Variants in MAP2 observed in about 807,000 individuals in gnomAD.
MAP2 encodes microtubule associated protein 2.
MAP2 carries 14 observed loss-of-function variants against 137.6 expected under a neutral mutation model. That is an observed-to-expected ratio of 0.10 (90% confidence interval 0.07 to 0.16). The LOEUF is 0.16. Among genes scored for constraint, MAP2 ranks in the 10% least tolerant of loss-of-function variants. The pLI is 1.00. For synonymous variants in MAP2, 786 were observed against 782.3 expected, an observed-to-expected ratio of 1.00 and a Z score of -0.08; for missense variants, 2,088 against 2,191.5, an observed-to-expected ratio of 0.95 and a Z score of 0.94.
intron 2 of MAP2, chr2:209,579,655 A>C (rs2075956012): frequency 6.6e-6 from 1 of 151,886 alleles, no homozygotes; most frequent in Admixed American, 6.6e-5. Flanking sequence ...GTCTGGAGCT[A>C]GAGAGCCAGA....
At chr2:209,560,507 T>C (rs933068905) in intron 2 of MAP2, among the ~76,000 whole-genome samples, 1 of 145,898 alleles carries the variant, frequency 6.9e-6, no homozygotes, top group Non-Finnish European at 1.5e-5. Context: ...TGAGATAGGG[T>C]GTCATTCTGT....
chr2:209,653,308 T>C lies in MAP2; in HGVS notation c.138T>C (p.Asn46=). The change falls in exon 5 of 16, where the codon AAT becomes AAC. Residue 46 remains asparagine, a synonymous_variant. Coordinates refer to ENST00000682079, the MANE Select transcript of MAP2 (RefSeq NM_001375505.1). ...GAGEGLVRSA[N]GFPYREDEEG... is the part of the protein sequence containing the mutation. The stretch of plus-strand genomic sequence containing the variant: ...GGGAAGGACTTGTCCGAAGCGCCAA[T>C]GGATTCCCATACAGGGAGGATGAAG... 1 of 1,614,104 alleles carries C rather than the reference T, an allele frequency of 6.2e-7. No homozygotes were observed. Among genetic ancestry groups the C allele is most frequent in the Non-Finnish European group, 8.5e-7 (1 of 1,180,008 alleles).
intron 3 of MAP2, among the ~76,000 whole-genome samples, chr2:209,582,666 GATA>G (rs2076733461): frequency 4.1e-5 from 1 of 24,240 alleles, no homozygotes; most frequent in Non-Finnish European, 9.1e-4. Flanking sequence ...ATGATAGATA[GATA>G]GATAGATAGA....
chr2:209,429,339 T>C (rs1693591722), intron 1 of MAP2, among the ~76,000 whole-genome samples: 1 of 152,026 alleles, frequency 6.6e-6, no homozygotes, highest in Admixed American at 6.5e-5. Context: ...CAACTGACTT[T>C]TTATTATTTT....
Position 209,695,897 on chromosome 2 carries a change from G to A in MAP2, c.3727G>A (p.Gly1243Arg), listed in dbSNP as rs550987596. The A allele has an allele frequency of 5.1e-5, 82 of 1,614,100 alleles. 1 individual carries two copies. The South Asian group carries it at 6.1e-4, about 12-fold the overall frequency. ...QSEEEEIEAQ[G>R]EYDKLLFRSD... ...TGAGGAAGAAGAGATAGAAGCCCAGGGAGAATATGATAAACTGCTCTTCCG... is the reference window on the plus strand; with the variant it reads ...TGAGGAAGAAGAGATAGAAGCCCAGAGAGAATATGATAAACTGCTCTTCCG... Residue 1243 changes from glycine (G) to arginine (R), a missense_variant, in exon 8 of 16, where the codon GGA (glycine) becomes AGA (arginine). By Grantham distance (125) the Gly-to-Arg change is moderately radical (BLOSUM62 -2). Coordinates refer to ENST00000682079, the MANE Select transcript of MAP2 (RefSeq NM_001375505.1).
At chr2:209,672,147 G>T (rs1009135954) in intron 5 of MAP2, among the ~76,000 whole-genome samples, 2 of 151,844 alleles carry the variant, frequency 1.3e-5, no homozygotes, top group Admixed American at 1.3e-4. Context: ...AAACCAGAGG[G>T]TCATGATGGC....
intron 3 of MAP2, among the ~76,000 whole-genome samples, chr2:209,584,906 G>A (rs2077328933): frequency 6.6e-6 from 1 of 151,992 alleles, no homozygotes; most frequent in African/African-American, 2.4e-5. Context: ...AAGGGAGAAA[G>A]TAGCTGAGAG....
intron 2 of MAP2, among the ~76,000 whole-genome samples, chr2:209,527,215 CACTT>C (rs984546000): frequency 6.6e-6 from 1 of 152,140 alleles, no homozygotes; most frequent in African/African-American, 2.4e-5. Context: ...ACTTAATCCT[CACTT>C]ACTCTACCCT....
chr2:209,577,548 T>G (rs886673772), intron 2 of MAP2, among the ~76,000 whole-genome samples: 1 of 152,174 alleles, frequency 6.6e-6, no homozygotes, highest in Non-Finnish European at 1.5e-5. Flanking sequence ...TTTAGAAAGA[T>G]TTTAAGAAAT....
Position 209,696,734 on chromosome 2 carries a change from T to G in MAP2, c.4373T>G (p.Val1458Gly). Reference sequence around the variant, plus strand: ...CCTAGCACAGTCTCCAGAGATGAAGTGAGAAGGAAAAAAGGTTCATTTAAC... The same window carrying G: ...CCTAGCACAGTCTCCAGAGATGAAGGGAGAAGGAAAAAAGGTTCATTTAAC... Reference protein sequence around the residue: ...KEPSTVSRDEVRRKKAVYKKA... With the variant: ...KEPSTVSRDEGRRKKAVYKKA... The change falls in exon 9 of 16, where the codon GTG becomes GGG. Residue 1458 changes from valine (V) to glycine (G), a missense_variant. Physicochemically the swap from Val to Gly is moderately radical, Grantham distance 109 (BLOSUM62 -3). Transcript: ENST00000682079. 6.2e-7 allele frequency: 1 copy of G among 1,602,444 alleles called. No homozygotes were observed. Among genetic ancestry groups the G allele is most frequent in the South Asian group, 1.1e-5 (1 of 87,564 alleles).
At chr2:209,634,224 T>A (rs1298231322) in intron 4 of MAP2, among the ~76,000 whole-genome samples, 2 of 152,184 alleles carry the variant, frequency 1.3e-5, no homozygotes, top group Non-Finnish European at 2.9e-5. Flanking sequence ...GTGACTTAAA[T>A]GTTTCATTTA....
At chr2:209,436,912 T>TG (rs1696450055) in intron 1 of MAP2, among the ~76,000 whole-genome samples, 1 of 151,736 alleles carries the variant, frequency 6.6e-6, no homozygotes, top group South Asian at 2.1e-4. Context: ...TTATTGAATC[T>TG]TTTTATTAAA....
chr2:209,731,744 G>A lies in MAP2; in HGVS notation c.*1347G>A, dbSNP rs1469970685. Reference sequence around the variant, plus strand: ...TTAAATTCTCTAATAGAAGATGTTTGTCTTTCTTACCCAAAGTAAAGATCC... The same window carrying A: ...TTAAATTCTCTAATAGAAGATGTTTATCTTTCTTACCCAAAGTAAAGATCC... On this transcript the variant is annotated 3_prime_UTR_variant, in exon 16 of 16. Coordinates refer to ENST00000682079, the MANE Select transcript of MAP2 (RefSeq NM_001375505.1). 6.6e-6 allele frequency: 1 copy of A among 151,862 alleles called. No individual in the cohort carries two copies. Among genetic ancestry groups the A allele is most frequent in the African/African-American group, 2.4e-5 (1 of 41,284 alleles). The allele number at this position is 151,862 out of a possible 1,614,324, so 9.4% of individuals were successfully genotyped here.
chr2:209,674,604 C>A (rs2050395254), intron 5 of MAP2, among the ~76,000 whole-genome samples: 1 of 150,564 alleles, frequency 6.6e-6, no homozygotes, highest in African/African-American at 2.5e-5. Flanking sequence ...AATCAGTAAT[C>A]CCCTAAATAT....
chr2:209,614,465 G>A (rs972152389), intron 3 of MAP2, among the ~76,000 whole-genome samples: 6 of 152,022 alleles, frequency 3.9e-5, no homozygotes, highest in African/African-American at 1.4e-4. Context: ...ATATCATCAT[G>A]TATATTTCCA....
At chr2:209,589,402 CTACT>C (rs2078647461) in intron 3 of MAP2, among the ~76,000 whole-genome samples, 1 of 152,132 alleles carries the variant, frequency 6.6e-6, no homozygotes. Flanking sequence ...CCTTTACTTC[CTACT>C]ACTATGAAGC....
intron 3 of MAP2, among the ~76,000 whole-genome samples, chr2:209,616,773 G>A (rs1340647972): frequency 6.6e-6 from 1 of 152,184 alleles, no homozygotes; most frequent in East Asian, 1.9e-4. Flanking sequence ...TGCATTGTTA[G>A]TGATAGTGTC....
At chr2:209,597,024 C>T (rs1435264998) in intron 3 of MAP2, among the ~76,000 whole-genome samples, 1 of 152,150 alleles carries the variant, frequency 6.6e-6, no homozygotes, top group Non-Finnish European at 1.5e-5. Context: ...GACCATATGA[C>T]TAAGTTCTGG....
At chr2:209,472,683 G>A (rs1706079777) in intron 1 of MAP2, among the ~76,000 whole-genome samples, 2 of 151,732 alleles carry the variant, frequency 1.3e-5, no homozygotes, top group Admixed American at 6.6e-5. Context: ...CTTGAGGGAG[G>A]AGGAAAAAAA....
Sources: allele counts gnomAD v4.1 joint callset (sites outside exome capture counted in the v4.1 genomes callset), GRCh38; gene constraint gnomAD v4.1.1; transcripts MANE v1.5; gene names NCBI Gene and HGNC (gene_info 2026-07-23, HGNC 2026-07-21).